UNC13B: variants seen among roughly 807,000 people sequenced by gnomAD.
UNC13B encodes protein unc-13 homolog B.
In UNC13B, 144 loss-of-function variants were observed where a neutral mutation model predicts 211.0. The ratio of observed to expected loss-of-function variants is 0.68; its 90% CI spans 0.60 to 0.78. The LOEUF is 0.78. Among genes scored for constraint, UNC13B ranks in the 30% least tolerant of loss-of-function variants. UNC13B has a pLI of 0.00. For missense variants in UNC13B, 1,777 were observed against 2,002.0 expected (o/e 0.89, Z 2.14); for synonymous variants, 709 against 725.8 (o/e 0.98, Z 0.37).
intron 7 of UNC13B, among the ~76,000 whole-genome samples, chr9:35,272,747 T>G (rs1827964104): frequency 6.6e-6 from 1 of 152,192 alleles, no homozygotes; most frequent in South Asian, 2.1e-4. Flanking sequence ...AATTTATTGT[T>G]GAGATTGACA....
At chr9:35,321,427 G>A (rs891993606) in intron 11 of UNC13B, among the ~76,000 whole-genome samples, 1 of 151,970 alleles carries the variant, frequency 6.6e-6, no homozygotes, top group Non-Finnish European at 1.5e-5. Flanking sequence ...ATGTTGCCCA[G>A]CCTGATCTTG....
intron 7 of UNC13B, among the ~76,000 whole-genome samples, chr9:35,283,931 G>C (rs2131738757): frequency 6.6e-6 from 1 of 152,200 alleles, no homozygotes; most frequent in Admixed American, 6.5e-5. Context: ...TTCTTGATCT[G>C]TGTGCTGGTT....
rs1830139485 is a variant in UNC13B, at chr9:35,310,653, C to T, written c.9195C>T (p.Pro3065=). The T allele has an allele frequency of 1.2e-6, 2 of 1,613,696 alleles. No homozygotes were observed. Among genetic ancestry groups the T allele is most frequent in the Non-Finnish European group, 1.7e-6 (2 of 1,179,946 alleles). The change falls in exon 10 of 40, where the codon CCC becomes CCT. Residue 3065 remains proline (P), a synonymous_variant. Coordinates refer to ENST00000635942, the MANE Select transcript of UNC13B (RefSeq NM_001371189.2). ...GQAGFGEQEK[P]LEVTGQAEKE... ...CAGGTTTTGGAGAACAAGAGAAACCCTTGGAGGTGACAGGTCAAGCAGAGA... is the reference window on the plus strand; with the variant it reads ...CAGGTTTTGGAGAACAAGAGAAACCTTTGGAGGTGACAGGTCAAGCAGAGA...
intron 1 of UNC13B, among the ~76,000 whole-genome samples, chr9:35,168,527 G>A (rs934542677): frequency 6.6e-6 from 1 of 152,022 alleles, no homozygotes; most frequent in Non-Finnish European, 1.5e-5. Flanking sequence ...CAAATGCCTC[G>A]GTGTCTCAGA....
At chr9:35,243,223 GT>G (rs1281628431) in intron 5 of UNC13B, 67 bp from the exon 6 acceptor site, 1 of 1,477,354 alleles carries the variant, frequency 6.8e-7, no homozygotes, top group African/African-American at 1.4e-5. Flanking sequence ...AGAGTAAAGT[GT>G]TATCTGCTGA....
intron 11 of UNC13B, among the ~76,000 whole-genome samples, chr9:35,349,814 T>C (rs371735758): frequency 2.0e-4 from 30 of 152,354 alleles, no homozygotes; most frequent in African/African-American, 7.0e-4. Flanking sequence ...AGCACAATGC[T>C]TTTAAATTCC....
In UNC13B at chr9:35,376,217, C is replaced by G. The variant is rs1372391324; in HGVS notation, c.9805C>G (p.Gln3269Glu). The change falls in exon 15 of 40, where the codon CAG (glutamine) becomes GAG (glutamate). Residue 3269 changes from glutamine to glutamate, a missense_variant. Gln to Glu is a conservative substitution (Grantham distance 29, BLOSUM62 2). Coordinates refer to ENST00000635942, the MANE Select transcript of UNC13B (RefSeq NM_001371189.2). ...TGGAGTCAAGTGCCATGAGAAGTGC[C>G]AGGATCTGCTCAATGCTGACTGCCT... ...ECGVKCHEKC[Q>E]DLLNADCLQR... 3 of 1,613,986 alleles carry G rather than the reference C, an allele frequency of 1.9e-6. No homozygotes were observed. The South Asian group carries it at 3.3e-5, about 18-fold the overall frequency.
rs574512453 is a variant in UNC13B, at chr9:35,336,623, C to T, written c.9414+22634C>T. 4.6e-5 allele frequency among the ~76,000 whole-genome samples: 7 copies of T among 152,228 alleles called. No individual in the cohort carries two copies. The East Asian group carries it at 1.2e-3, about 25-fold the overall frequency. ...GATATCTTAGGTTATCTTCCCACCT[C>T]AGCTTCCCAAGTAGCTGGTGGAAGG... On this transcript the variant is annotated intron_variant, in intron 11 of 39. Coordinates refer to ENST00000635942, the MANE Select transcript of UNC13B (RefSeq NM_001371189.2).
Position 35,390,008 on chromosome 9 carries a change from G to A in UNC13B, c.11222+35G>A, listed in dbSNP as rs370641976. ...ACCCTCTTTGGCCCTGTCTGTTGGT[G>A]GTTGGTCTGTCCATCTGTCTAACAA... On this transcript the variant is annotated intron_variant, in intron 25 of 39. Coordinates refer to ENST00000635942, the MANE Select transcript of UNC13B (RefSeq NM_001371189.2). 2.0e-4 allele frequency: 322 copies of A among 1,610,116 alleles called. No individual in the cohort carries two copies. The African/African-American group carries it at 3.5e-3, about 17-fold the overall frequency.
At chr9:35,335,676 AT>A (rs1348024052) in intron 11 of UNC13B, among the ~76,000 whole-genome samples, 1 of 150,442 alleles carries the variant, frequency 6.6e-6, no homozygotes, top group African/African-American at 2.4e-5. Context: ...TCTCTCTAAA[AT>A]ATTCTTCCTT....
intron 12 of UNC13B, among the ~76,000 whole-genome samples, chr9:35,369,836 G>A (rs899803724): frequency 1.2e-4 from 19 of 152,168 alleles, no homozygotes; most frequent in African/African-American, 2.4e-4. Flanking sequence ...GGATGGAGAC[G>A]GTCTCCTTCT....
intron 1 of UNC13B, among the ~76,000 whole-genome samples, chr9:35,175,990 C>G (rs933919592): frequency 7.0e-6 from 1 of 142,848 alleles, no homozygotes; most frequent in African/African-American, 2.6e-5. Flanking sequence ...CACACCATTG[C>G]ACTCCAGCCT....
intron 11 of UNC13B, among the ~76,000 whole-genome samples, chr9:35,336,168 T>C (rs890630848): frequency 6.6e-6 from 1 of 152,196 alleles, no homozygotes; most frequent in African/African-American, 2.4e-5. Context: ...CAGTCCTCTT[T>C]CATGAGTTCC....
rs1238833336 is a variant in UNC13B at position 35,308,263 on chromosome 9, A to G, written c.8859A>G (p.Lys2953=). The change falls in exon 9 of 40, where the codon AAA becomes AAG. Residue 2953 remains lysine (K), a synonymous_variant. Transcript: ENST00000635942. ...CTAGCCCCGCCTGTCCTTCAGGGAA[A>G]CATGAGGAAGAACCCTCCACTGTCT... The part of the protein sequence containing the change: ...NLSSPACPSG[K]HEEEPSTVSE... 1.0e-5 allele frequency: 4 copies of G among 399,040 alleles called. No homozygotes were observed. Among genetic ancestry groups the G allele is most frequent in the Non-Finnish European group, 4.4e-6 (1 of 226,170 alleles). 24.7% of individuals were successfully genotyped at this position (399,040 alleles called of 1,614,324 possible).
At chr9:35,216,903 A>C (rs1824280108) in intron 1 of UNC13B, among the ~76,000 whole-genome samples, 1 of 152,216 alleles carries the variant, frequency 6.6e-6, no homozygotes. Context: ...GTGGAAAAAA[A>C]ACAATCTCAT....
chr9:35,167,685 T>A (rs1821112253), intron 1 of UNC13B, among the ~76,000 whole-genome samples: 1 of 150,742 alleles, frequency 6.6e-6, no homozygotes, highest in Admixed American at 6.6e-5. Context: ...CCTCCTGGGT[T>A]CAAGCAATTA....
In UNC13B at chr9:35,404,139, C is replaced by A. The variant is rs1836535241; in HGVS notation, c.*106C>A. The A allele has an allele frequency of 7.1e-7, 1 of 1,417,482 alleles. No individual in the cohort carries two copies. The highest frequency in any genetic ancestry group is 2.4e-5 in the East Asian group (1 of 41,524). The allele number at this position is 1,417,482 out of a possible 1,614,324, so 87.8% of individuals were successfully genotyped here. A position where few individuals can be genotyped will look rare whatever the true frequency, so the allele number is the denominator to read the frequency against. On this transcript the variant is annotated 3_prime_UTR_variant, in exon 40 of 40. Coordinates refer to ENST00000635942, the MANE Select transcript of UNC13B (RefSeq NM_001371189.2). ...AGGGTCTTTGCAGTCAAGAGGCTGA[C>A]CCCTTCAGTTAAAGATATTTAAGGA...
At chr9:35,377,772 T>C in intron 16 of UNC13B, 77 bp downstream of exon 16, 2 of 1,442,922 alleles carry the variant, frequency 1.4e-6, no homozygotes, top group Non-Finnish European at 1.9e-6. Flanking sequence ...ATCCTGAGCG[T>C]GAGGGAGCAA....
At chr9:35,225,564 A>G (rs1366474143) in intron 1 of UNC13B, among the ~76,000 whole-genome samples, 1 of 151,068 alleles carries the variant, frequency 6.6e-6, no homozygotes, top group Admixed American at 6.6e-5. Context: ...CTGTAGATGT[A>G]TCTATATTGT....
Sources: gnomAD v4.1 joint callset for allele counts (sites outside exome capture counted in the v4.1 genomes callset) on GRCh38, gnomAD v4.1.1 for gene constraint, MANE v1.5 for transcripts, NCBI Gene and HGNC (gene_info 2026-07-23, HGNC 2026-07-21) for gene names.